The following SEPTIN7 variants were observed in gnomAD, a reference collection of about 807,000 sequenced individuals.
SEPTIN7 encodes septin 7.
SEPTIN7 carries 10 observed loss-of-function variants against 63.3 expected under a neutral mutation model. The observed-to-expected ratio is 0.16, with a 90% confidence interval of 0.10 to 0.27. SEPTIN7 has a LOEUF of 0.27. Ranked by LOEUF, SEPTIN7 falls within the 10% of genes least tolerant of loss-of-function variation. The pLI is 1.00. For missense variants in SEPTIN7, 310 were observed against 521.0 expected, an observed-to-expected ratio of 0.59 and a Z score of 3.94; for synonymous variants, 131 against 165.3, an observed-to-expected ratio of 0.79 and a Z score of 1.59.
intron 1 of SEPTIN7, among the ~76,000 whole-genome samples, chr7:35,827,025 G>A (rs988791246): frequency 6.6e-6 from 1 of 152,044 alleles, no homozygotes; most frequent in Non-Finnish European, 1.5e-5. Flanking sequence ...CTAAGTTACC[G>A]GATATTGTAT....
the SEPTIN7 span, among the ~76,000 whole-genome samples, chr7:35,915,603 A>G: frequency 6.6e-6 from 1 of 152,084 alleles, no homozygotes. Context: ...TTCCACTGTC[A>G]TCTAGCTTTT....
chr7:35,903,100 A>G lies in SEPTIN7; in HGVS notation c.1159A>G (p.Lys387Glu), dbSNP rs1416446156. The G allele has an allele frequency of 1.3e-6, 2 of 1,560,824 alleles. No individual in the cohort carries two copies. Among genetic ancestry groups the G allele is most frequent in the Non-Finnish European group, 1.7e-6 (2 of 1,154,782 alleles). The change falls in exon 13 of 14, where the codon AAA (lysine) becomes GAA (glutamate). Residue 387 changes from lysine to glutamate, a missense_variant. Physicochemically the swap from Lys to Glu is moderately conservative, Grantham distance 56. Around this residue, in one of 2 missense-constraint regions of SEPTIN7, gnomAD observed 255 missense variants for 490.5 expected, o/e 0.52. Transcript: ENST00000350320. ...AELQRRHEQM[K>E]KNLEAQHKEL... ...GCTCCAGCGGCGCCATGAGCAAATG[A>G]AAAAGAATTTGGAAGCACAGCACAA...
chr7:35,867,600 T>A (rs961101545), intron 4 of SEPTIN7, among the ~76,000 whole-genome samples: 2 of 152,168 alleles, frequency 1.3e-5, no homozygotes, highest in African/African-American at 4.8e-5. Context: ...TCCGCCCGCC[T>A]CGGCCTCCCA....
intron 11 of SEPTIN7, among the ~76,000 whole-genome samples, chr7:35,894,920 A>G (rs763499685): frequency 2.0e-5 from 3 of 152,348 alleles, no homozygotes; most frequent in East Asian, 1.9e-4. Flanking sequence ...TATTGGTCAC[A>G]TGAAGGGATG....
intron 3 of SEPTIN7, among the ~76,000 whole-genome samples, chr7:35,837,724 C>G (rs1217829413): frequency 2.0e-5 from 3 of 151,936 alleles, no homozygotes; most frequent in Non-Finnish European, 4.4e-5. Context: ...TTTATTGTTG[C>G]TAGTTATTTT....
At chr7:35,803,863 C>T (rs1788159592) in intron 1 of SEPTIN7, among the ~76,000 whole-genome samples, 1 of 152,200 alleles carries the variant, frequency 6.6e-6, no homozygotes, top group Admixed American at 6.5e-5. Context: ...TGAGAGCATA[C>T]TGTTAAATGT....
chr7:35,914,606 C>A, the SEPTIN7 span, among the ~76,000 whole-genome samples: 117 of 151,740 alleles, frequency 7.7e-4, no homozygotes, highest in Non-Finnish European at 1.6e-3. Context: ...CAATTCCTTA[C>A]AATAAATCTC....
chr7:35,865,671 A>G (rs903531611), intron 4 of SEPTIN7, among the ~76,000 whole-genome samples: 1 of 151,954 alleles, frequency 6.6e-6, no homozygotes, highest in Non-Finnish European at 1.5e-5. Context: ...ATTTCTAGTG[A>G]GGTTGAACAT....
intron 1 of SEPTIN7, among the ~76,000 whole-genome samples, chr7:35,830,182 C>CAA (rs113659143): frequency 1.6e-5 from 2 of 125,032 alleles, no homozygotes; most frequent in Non-Finnish European, 3.4e-5. Context: ...AATTCTGTCT[C>CAA]AAAAAAAAAA....
chr7:35,882,524 A>C lies in SEPTIN7; in HGVS notation c.671A>C (p.Glu224Ala), dbSNP rs1376415583. 1 of 1,488,458 alleles carries C rather than the reference A, an allele frequency of 6.7e-7. No homozygotes were observed. The allele number at this position is 1,488,458 out of a possible 1,614,324, so 92.2% of individuals were successfully genotyped here. Residue 224 changes from glutamate to alanine, a missense_variant, in exon 8 of 14, where the codon GAA becomes GCA. Physicochemically the swap from Glu to Ala is moderately radical, Grantham distance 107. Coordinates refer to ENST00000350320, the MANE Select transcript of SEPTIN7 (RefSeq NM_001788.6). ...EIQEHKIKIY[E>A]FPETDDEEEN... ...CAAGAACATAAAATTAAAATATACG[A>C]ATTTCCAGAAACAGATGATGAAGAA... is the stretch of plus-strand genomic sequence containing the variant.
chr7:35,879,260 A>G (rs1443357671), intron 6 of SEPTIN7, among the ~76,000 whole-genome samples: 1 of 152,084 alleles, frequency 6.6e-6, no homozygotes, highest in East Asian at 1.9e-4. Flanking sequence ...GAAGAGGACT[A>G]CCATTTTTCA....
chr7:35,832,789 T>G lies in SEPTIN7; in HGVS notation c.67-9T>G. The G allele has an allele frequency of 6.4e-7, 1 of 1,569,158 alleles. No individual in the cohort carries two copies. The highest frequency in any genetic ancestry group is 8.8e-7 in the Non-Finnish European group (1 of 1,139,374). On this transcript the variant is annotated splice_polypyrimidine_tract_variant and intron_variant, in intron 2 of 13. Coordinates refer to ENST00000350320, the MANE Select transcript of SEPTIN7 (RefSeq NM_001788.6). Reference sequence around the variant, plus strand: ...ACATGAATAACTTGGCCCTTTTTGCTTTTGTCAGCAACAGAAGAACCTTGA... The same window carrying G: ...ACATGAATAACTTGGCCCTTTTTGCGTTTGTCAGCAACAGAAGAACCTTGA...
At chr7:35,857,897 G>A (rs1403937232) in intron 3 of SEPTIN7, among the ~76,000 whole-genome samples, 11 of 152,008 alleles carry the variant, frequency 7.2e-5, no homozygotes, top group Admixed American at 7.2e-4. Flanking sequence ...GGGGGGTGGG[G>A]TGGTGGCAAA....
At chr7:35,890,286 T>C (rs1266264279) in intron 10 of SEPTIN7, among the ~76,000 whole-genome samples, 1 of 152,158 alleles carries the variant, frequency 6.6e-6, no homozygotes, top group African/African-American at 2.4e-5. Context: ...CTTAGTAATA[T>C]TGCTAAAAGG....
intron 1 of SEPTIN7, among the ~76,000 whole-genome samples, chr7:35,802,885 C>A (rs1788087903): frequency 6.6e-6 from 1 of 151,960 alleles, no homozygotes; most frequent in African/African-American, 2.4e-5. Flanking sequence ...GTGGGTGGGA[C>A]TAAAGGAGAT....
At chr7:35,880,941 A>C (rs985523285) in intron 7 of SEPTIN7, among the ~76,000 whole-genome samples, 9 of 152,040 alleles carry the variant, frequency 5.9e-5, no homozygotes, top group African/African-American at 2.2e-4. Context: ...ACCTTTCTCT[A>C]TTCCAGTAGT....
intron 3 of SEPTIN7, among the ~76,000 whole-genome samples, chr7:35,842,848 G>A (rs1338079531): frequency 6.6e-6 from 1 of 152,020 alleles, no homozygotes; most frequent in East Asian, 1.9e-4. Context: ...TCTTCCTCAA[G>A]GATATTCTGC....
At chr7:35,896,386 G>C (rs1451553527) in intron 11 of SEPTIN7, among the ~76,000 whole-genome samples, 1 of 152,026 alleles carries the variant, frequency 6.6e-6, no homozygotes, top group Non-Finnish European at 1.5e-5. Context: ...CTTTTTTAGA[G>C]ACTAAAAAAG....
chr7:35,876,926 G>GC (rs1369361483), intron 6 of SEPTIN7, among the ~76,000 whole-genome samples: 4 of 151,976 alleles, frequency 2.6e-5, no homozygotes, highest in Non-Finnish European at 5.9e-5. Flanking sequence ...CCAAGATTGT[G>GC]CCACTGCACT....
Sources: allele counts gnomAD v4.1 joint callset (sites outside exome capture counted in the v4.1 genomes callset), GRCh38; gene constraint gnomAD v4.1.1; regional missense constraint gnomAD v4.1.1; transcripts MANE v1.5; gene names NCBI Gene and HGNC (gene_info 2026-07-23, HGNC 2026-07-21).